Variants in RPH3A observed in about 807,000 individuals in gnomAD.
The protein encoded by RPH3A is rabphilin-3A.
Under a neutral mutation model 102.2 loss-of-function variants are expected in RPH3A, and 48 were observed. That is an observed-to-expected ratio of 0.47 (90% CI 0.37 to 0.60). The LOEUF (loss-of-function observed/expected upper bound fraction) is 0.60, where lower values mean the gene tolerates loss of function less well. Ranked by LOEUF, RPH3A falls within the 20% of genes least tolerant of loss-of-function variation. RPH3A has a pLI of 0.00. For synonymous variants in RPH3A, 310 were observed against 324.3 expected (o/e 0.96, Z 0.47); for missense variants, 781 against 910.1 (o/e 0.86, Z 1.83).
chr12:112,605,521 G>A (rs910408356), intron 1 of RPH3A, among the ~76,000 whole-genome samples: 3 of 152,260 alleles, frequency 2.0e-5, no homozygotes, highest in African/African-American at 7.2e-5. Flanking sequence ...GGTGGTGGAG[G>A]TTGGACATGC....
intron 1 of RPH3A, among the ~76,000 whole-genome samples, chr12:112,604,847 A>G (rs1333728236): frequency 6.6e-6 from 1 of 152,196 alleles, no homozygotes; most frequent in Non-Finnish European, 1.5e-5. Flanking sequence ...GGATCTTTCC[A>G]TAGCTCTGCT....
chr12:112,732,922 CT>C (rs1310479248), intron 1 of RPH3A, among the ~76,000 whole-genome samples: 1 of 152,172 alleles, frequency 6.6e-6, no homozygotes, highest in Non-Finnish European at 1.5e-5. Flanking sequence ...GGTAATTGGA[CT>C]TTGGGAATGT....
At chr12:112,782,131 C>T (rs1279781671) in intron 1 of RPH3A, among the ~76,000 whole-genome samples, 1 of 152,210 alleles carries the variant, frequency 6.6e-6, no homozygotes, top group Non-Finnish European at 1.5e-5. Flanking sequence ...GTTCCTGTCC[C>T]ATGCAGGCCC....
intron 1 of RPH3A, among the ~76,000 whole-genome samples, chr12:112,761,147 C>T (rs2040852651): frequency 6.6e-6 from 1 of 152,148 alleles, no homozygotes; most frequent in Admixed American, 6.5e-5. Flanking sequence ...GTCATGTAAT[C>T]TCTTTTATCC....
chr12:112,647,130 T>C (rs2039937184), intron 1 of RPH3A, among the ~76,000 whole-genome samples: 1 of 152,204 alleles, frequency 6.6e-6, no homozygotes, highest in South Asian at 2.1e-4. Context: ...CCACATTTTA[T>C]GTTTAATGGA....
intron 1 of RPH3A, among the ~76,000 whole-genome samples, chr12:112,655,727 T>A (rs2040006838): frequency 6.6e-6 from 1 of 151,932 alleles, no homozygotes; most frequent in Admixed American, 6.6e-5. Context: ...CATACCACCA[T>A]GCTTGGCAAA....
chr12:112,667,136 G>A (rs952498000), intron 1 of RPH3A, among the ~76,000 whole-genome samples: 1 of 152,148 alleles, frequency 6.6e-6, no homozygotes, highest in African/African-American at 2.4e-5. Context: ...TGCAGGACCT[G>A]TGTGCATGTT....
intron 1 of RPH3A, among the ~76,000 whole-genome samples, chr12:112,587,882 C>T (rs1454486436): frequency 6.6e-6 from 1 of 152,184 alleles, no homozygotes; most frequent in Non-Finnish European, 1.5e-5. Flanking sequence ...CAGAGCACCT[C>T]ACTCACTGTG....
At chr12:112,834,058 A>C (rs2042012563) in intron 3 of RPH3A, among the ~76,000 whole-genome samples, 1 of 152,242 alleles carries the variant, frequency 6.6e-6, no homozygotes, top group South Asian at 2.1e-4. Context: ...AAATCATCAC[A>C]GTAATCAAGA....
chr12:112,806,598 C>A (rs2041468637), intron 2 of RPH3A, among the ~76,000 whole-genome samples: 1 of 151,812 alleles, frequency 6.6e-6, no homozygotes, highest in Non-Finnish European at 1.5e-5. Flanking sequence ...CACTGCACTC[C>A]AGCCTGGGTG....
At chr12:112,670,305 C>A (rs923023626) in intron 1 of RPH3A, among the ~76,000 whole-genome samples, 1 of 152,066 alleles carries the variant, frequency 6.6e-6, no homozygotes, top group Admixed American at 6.5e-5. Flanking sequence ...GCCTCCACCT[C>A]CCAAGTTGCT....
At chr12:112,608,689 G>A (rs1226655550) in intron 1 of RPH3A, among the ~76,000 whole-genome samples, 1 of 152,190 alleles carries the variant, frequency 6.6e-6, no homozygotes, top group Admixed American at 6.5e-5. Flanking sequence ...TTGAGCTTCT[G>A]TGTTAAATGC....
chr12:112,674,182 T>C (rs11615588), intron 1 of RPH3A, among the ~76,000 whole-genome samples: 1 of 152,190 alleles, frequency 6.6e-6, no homozygotes, highest in Non-Finnish European at 1.5e-5. Flanking sequence ...CTCAGCCTCC[T>C]GAGTAGCTGG....
intron 4 of RPH3A, among the ~76,000 whole-genome samples, chr12:112,841,350 C>T (rs893451221): frequency 6.6e-6 from 1 of 151,698 alleles, no homozygotes; most frequent in Non-Finnish European, 1.5e-5. Context: ...GGAGATAGAA[C>T]GTGAGATTGG....
intron 1 of RPH3A, among the ~76,000 whole-genome samples, chr12:112,784,705 T>C (rs997068456): frequency 1.3e-5 from 2 of 152,190 alleles, no homozygotes; most frequent in Non-Finnish European, 2.9e-5. Context: ...AGTTATAATG[T>C]AGGGTGGACA....
intron 1 of RPH3A, among the ~76,000 whole-genome samples, chr12:112,760,001 T>C (rs7953083): frequency 0.089 from 13,538 of 152,094 alleles, 1,635 homozygotes; most frequent in African/African-American, 0.27. Flanking sequence ...CCAGCCGGCC[T>C]GTCTGGGCAG....
intron 2 of RPH3A, among the ~76,000 whole-genome samples, chr12:112,797,436 G>T (rs2041254266): frequency 6.6e-6 from 1 of 152,092 alleles, no homozygotes; most frequent in Admixed American, 6.5e-5. Context: ...TTCTGTTGGG[G>T]GGTAAAAAGC....
chr12:112,881,904 A>T (rs929943349), intron 15 of RPH3A, 58 bp downstream of exon 15: 1 of 1,416,918 alleles, frequency 7.1e-7, no homozygotes, highest in African/African-American at 1.4e-5. Flanking sequence ...GCAGATACCC[A>T]GGGTTCTCAG....
At chr12:112,685,169 T>TC (rs1194124147) in intron 1 of RPH3A, among the ~76,000 whole-genome samples, 2 of 152,178 alleles carry the variant, frequency 1.3e-5, no homozygotes, top group Non-Finnish European at 2.9e-5. Context: ...ACTCCTGGGC[T>TC]CAGGGGATCT....
Sources: allele counts gnomAD v4.1 joint callset (sites outside exome capture counted in the v4.1 genomes callset), GRCh38; gene constraint gnomAD v4.1.1; transcripts MANE v1.5; gene names NCBI Gene and HGNC (gene_info 2026-07-23, HGNC 2026-07-21).